Variants in PCDHAC1 observed in about 807,000 individuals in gnomAD.
The protein encoded by PCDHAC1 is protocadherin alpha-C1.
In PCDHAC1, 42 loss-of-function variants were observed where a neutral mutation model predicts 60.0. That is an observed-to-expected ratio of 0.70 (90% CI 0.55 to 0.90). The LOEUF (loss-of-function observed/expected upper bound fraction) is 0.90, where lower values mean the gene tolerates loss of function less well. Ranked by LOEUF, PCDHAC1 falls within the 40% of genes least tolerant of loss-of-function variation. The pLI is 0.00. For missense variants in PCDHAC1, 1,160 were observed against 1,222.3 expected (o/e 0.95, Z 0.76); for synonymous variants, 468 against 499.3 (o/e 0.94, Z 0.84).
chr5:140,954,830 T>TG (rs2095095109), intron 1 of PCDHAC1, among the ~76,000 whole-genome samples: 1 of 152,220 alleles, frequency 6.6e-6, no homozygotes, highest in Admixed American at 6.5e-5. Flanking sequence ...GGCACTTTTG[T>TG]CATGAAATCT....
intron 1 of PCDHAC1, among the ~76,000 whole-genome samples, chr5:140,955,134 C>T (rs868995724): frequency 3.3e-5 from 5 of 152,022 alleles, no homozygotes; most frequent in African/African-American, 1.2e-4. Context: ...CTGGTCTACA[C>T]GTCTGTTTTT....
At chr5:141,004,188 TA>T (rs1391411358) in intron 3 of PCDHAC1, among the ~76,000 whole-genome samples, 5 of 152,260 alleles carry the variant, frequency 3.3e-5, no homozygotes, top group African/African-American at 1.2e-4. Flanking sequence ...TGAGTGCTCT[TA>T]ACCAAAAGGA....
intron 1 of PCDHAC1, among the ~76,000 whole-genome samples, chr5:140,960,972 T>C (rs936519951): frequency 6.6e-6 from 1 of 152,188 alleles, no homozygotes; most frequent in South Asian, 2.1e-4. Flanking sequence ...GCAGTTGCAA[T>C]TCTTGTTCCA....
At position 141,010,536 on chromosome 5, in the gene PCDHAC1, T is replaced by A; in HGVS notation, c.*599T>A. On this transcript the variant is annotated 3_prime_UTR_variant, in exon 4 of 4. Transcript: ENST00000253807. ...AACTCAAGAGGTGGCAGCCACCCTC[T>A]AGGAGACAAAACTACCCCCACTGAC... 1 of 381,624 alleles carries A rather than the reference T, an allele frequency of 2.6e-6. No homozygotes were observed. The highest frequency in any genetic ancestry group is 4.6e-6 in the Non-Finnish European group (1 of 218,036). 23.6% of individuals were successfully genotyped at this position (381,624 alleles called of 1,614,324 possible).
chr5:140,929,995 C>A (rs543771321), intron 1 of PCDHAC1: 1 of 152,108 alleles, frequency 6.6e-6, no homozygotes, highest in Admixed American at 6.5e-5. Context: ...GGAATGACAC[C>A]CTAAAACATA....
At chr5:140,941,202 C>CCTTCCTTTCTTT (rs1554213920) in intron 1 of PCDHAC1, among the ~76,000 whole-genome samples, 197 of 122,808 alleles carry the variant, frequency 1.6e-3, no homozygotes, top group Admixed American at 2.9e-3. Flanking sequence ...TTTCTTTCTT[C>CCTTCCTTTCTTT]CTTTCTTTCT....
chr5:140,945,635 T>C (rs1200996842), intron 1 of PCDHAC1, among the ~76,000 whole-genome samples: 1 of 152,024 alleles, frequency 6.6e-6, no homozygotes, highest in Admixed American at 6.5e-5. Context: ...ATAAAAGACA[T>C]GTAGACCAAT....
At chr5:140,968,464 C>G (rs1554230763) in intron 1 of PCDHAC1, 1 of 1,614,114 alleles carries the variant, frequency 6.2e-7, no homozygotes, top group Non-Finnish European at 8.5e-7. Flanking sequence ...TGACTGCCAA[C>G]GTATATGTGG....
intron 3 of PCDHAC1, among the ~76,000 whole-genome samples, chr5:140,985,009 C>T (rs567801905): frequency 9.3e-4 from 141 of 152,162 alleles, no homozygotes; most frequent in African/African-American, 3.3e-3. Flanking sequence ...ACGATATCGG[C>T]TCACAGCAAC....
intron 1 of PCDHAC1, among the ~76,000 whole-genome samples, chr5:140,978,417 A>G (rs2096800848): frequency 6.6e-6 from 1 of 152,158 alleles, no homozygotes. Context: ...CAGAAAAGAG[A>G]CTGTTATCAG....
At chr5:140,967,143 A>G in intron 1 of PCDHAC1, 1 of 1,611,272 alleles carries the variant, frequency 6.2e-7, no homozygotes, top group South Asian at 1.1e-5. Flanking sequence ...GTGCTGGCGC[A>G]CAACCCCGTG....
chr5:140,974,979 C>T (rs782292099), intron 1 of PCDHAC1, among the ~76,000 whole-genome samples: 6 of 152,136 alleles, frequency 3.9e-5, no homozygotes, highest in African/African-American at 7.2e-5. Context: ...CTGAGTTGTC[C>T]GCTCAGGTAT....
chr5:141,008,265 G>C (rs748504708), intron 3 of PCDHAC1, among the ~76,000 whole-genome samples: 4 of 152,200 alleles, frequency 2.6e-5, no homozygotes, highest in Admixed American at 6.5e-5. Flanking sequence ...AGACTGAGAA[G>C]TAATAGGAAA....
At chr5:140,989,153 A>C (rs1409258920) in intron 3 of PCDHAC1, among the ~76,000 whole-genome samples, 2 of 152,186 alleles carry the variant, frequency 1.3e-5, no homozygotes, top group Non-Finnish European at 2.9e-5. Flanking sequence ...CTTTTGTTTA[A>C]GAGTGTTGCA....
At chr5:140,967,155 C>A (rs1554229255) in intron 1 of PCDHAC1, 1 of 1,610,598 alleles carries the variant, frequency 6.2e-7, no homozygotes, top group Admixed American at 1.7e-5. Context: ...AACCCCGTGG[C>A]GGTGAGCGCC....
Position 140,958,902 on chromosome 5 carries a change from GAA to G in PCDHAC1, c.2434-20044_2434-20043del, listed in dbSNP as rs201571519. On this transcript the variant is annotated intron_variant, in intron 1 of 3. Transcript: ENST00000253807. ...GACCAGTAGCTATATAATAGATACA[GAA>G]AAGTCTGCCTGGGTGTGGTGGCTCA... Among the ~76,000 whole-genome samples the G allele has an allele frequency of 8.2e-3, 1,248 of 152,002 alleles. 7 individuals carry two copies. The highest frequency in any genetic ancestry group is 0.021 in the Middle Eastern group (6 of 292).
intron 1 of PCDHAC1, among the ~76,000 whole-genome samples, chr5:140,976,448 G>C (rs2096716831): frequency 6.6e-6 from 1 of 152,148 alleles, no homozygotes; most frequent in Non-Finnish European, 1.5e-5. Context: ...CTACTAGGGA[G>C]GCTGGGGAAG....
chr5:141,002,234 C>G (rs2098067276), intron 3 of PCDHAC1, among the ~76,000 whole-genome samples: 1 of 152,210 alleles, frequency 6.6e-6, no homozygotes, highest in Non-Finnish European at 1.5e-5. Context: ...TTTCTGGAAG[C>G]TCTTTATTAA....
At chr5:140,964,862 A>G (rs560839818) in intron 1 of PCDHAC1, among the ~76,000 whole-genome samples, 1 of 152,316 alleles carries the variant, frequency 6.6e-6, no homozygotes, top group South Asian at 2.1e-4. Context: ...GGAAACAAAG[A>G]GGACAAATAA....
Sources: allele counts gnomAD v4.1 joint callset (sites outside exome capture counted in the v4.1 genomes callset), GRCh38; gene constraint gnomAD v4.1.1; transcripts MANE v1.5; gene names NCBI Gene and HGNC (gene_info 2026-07-23, HGNC 2026-07-21).